MDGA1: variants seen among roughly 807,000 people sequenced by gnomAD.
The protein encoded by MDGA1 is MAM domain-containing glycosylphosphatidylinositol anchor protein 1.
In MDGA1, 54 loss-of-function variants were observed where a neutral mutation model predicts 101.5. That is an observed-to-expected ratio of 0.53 (90% CI 0.43 to 0.67). The LOEUF (loss-of-function observed/expected upper bound fraction) is 0.67. Among genes scored for constraint, MDGA1 ranks in the 30% least tolerant of loss-of-function variants. The probability of loss-of-function intolerance (pLI) is 0.00; values close to 1 mark genes in which losing one functional copy is unlikely to be tolerated. For synonymous variants in MDGA1, 533 were observed against 558.3 expected, an observed-to-expected ratio of 0.95 and a Z score of 0.64; for missense variants, 1,083 against 1,323.8, an observed-to-expected ratio of 0.82 and a Z score of 2.82.
intron 1 of MDGA1, among the ~76,000 whole-genome samples, chr6:37,685,629 C>T (rs1016162001): frequency 3.3e-5 from 5 of 152,148 alleles, no homozygotes; most frequent in Non-Finnish European, 5.9e-5. Flanking sequence ...CTTCTGCCTT[C>T]GGGGCTGAAA....
At chr6:37,637,877 C>T in intron 16 of MDGA1, 4 of 530,912 alleles carry the variant, frequency 7.5e-6, no homozygotes, top group Non-Finnish European at 1.3e-5. Context: ...GTATTGGAAA[C>T]CTCTGGCCCT....
chr6:37,651,664 A>G (rs1289617869), intron 7 of MDGA1, among the ~76,000 whole-genome samples: 1 of 152,170 alleles, frequency 6.6e-6, no homozygotes. Flanking sequence ...CGTACAGGCT[A>G]AAGAGTAGTC....
intron 14 of MDGA1, among the ~76,000 whole-genome samples, chr6:37,641,486 A>T (rs1299013951): frequency 6.6e-6 from 1 of 152,134 alleles, no homozygotes; most frequent in Non-Finnish European, 1.5e-5. Context: ...CTATGGGCAA[A>T]TGGGCTGAGC....
At position 37,646,369 on chromosome 6, in the gene MDGA1, G is replaced by C; in HGVS notation, c.2053C>G (p.Gln685Glu). Residue 685 changes from glutamine (Q) to glutamate (E), a missense_variant, in exon 11 of 17, where the codon CAG becomes GAG. By Grantham distance (29) the Gln-to-Glu change is conservative. This residue lies in a region of MDGA1 where 657 missense variants were observed against 771.4 expected (regional missense o/e 0.85). Transcript: ENST00000434837. The stretch of plus-strand genomic sequence containing the variant: ...ATGGCCTTGACCACCGCATTGTGCT[G>C]GTTCAACTGTTAAGTACAGAGAGTT... ...NYRLSIRQLNQHNAVVKAIPV... is the reference protein window; with the variant it reads ...NYRLSIRQLNEHNAVVKAIPV... The C allele has an allele frequency of 6.6e-7, 1 of 1,514,972 alleles. No individual in the cohort carries two copies. Among genetic ancestry groups the C allele is most frequent in the Non-Finnish European group, 8.9e-7 (1 of 1,126,930 alleles). The allele number at this position is 1,514,972 out of a possible 1,614,324, so 93.8% of individuals were successfully genotyped here.
In MDGA1 at chr6:37,668,769, C is replaced by G. The variant is rs115878134; in HGVS notation, c.68-4663G>C. Among the ~76,000 whole-genome samples, 1,322 of 152,324 alleles carry G rather than the reference C, an allele frequency of 8.7e-3. 16 individuals carry two copies. The highest frequency in any genetic ancestry group is 0.03 in the African/African-American group (1,231 of 41,560). On this transcript the variant is annotated intron_variant, in intron 1 of 16. Transcript: ENST00000434837. The stretch of plus-strand genomic sequence containing the variant: ...ATCTTAGGGTAACAGAGGCCTAACA[C>G]CGATTGCCCTTGGGTGGGGTGGGAG...
chr6:37,689,111 C>T (rs1425691966), intron 1 of MDGA1, among the ~76,000 whole-genome samples: 1 of 152,070 alleles, frequency 6.6e-6, no homozygotes, highest in Non-Finnish European at 1.5e-5. Flanking sequence ...GGCCCTTTCT[C>T]ATTCCTCCTC....
rs780110275 is a variant in MDGA1 at position 37,652,345 on chromosome 6, G to A, written c.983-5C>T. 20 of 1,598,662 alleles carry A rather than the reference G, an allele frequency of 1.3e-5. No individual in the cohort carries two copies. Among genetic ancestry groups the A allele is most frequent in the Non-Finnish European group, 1.5e-5 (18 of 1,169,962 alleles). On this transcript the variant is annotated splice_region_variant and splice_polypyrimidine_tract_variant and intron_variant, in intron 6 of 16. Coordinates refer to ENST00000434837, the MANE Select transcript of MDGA1 (RefSeq NM_153487.4). The surrounding 1 kb of genome is among the most constrained non-coding windows in gnomAD (Gnocchi z 4.3). ...GGAATGTAGCGTTCTTCATGGCTGT[G>A]AGTGGATGGGGAGGGAAGGGTAGTT...
intron 1 of MDGA1, among the ~76,000 whole-genome samples, chr6:37,666,906 C>T (rs1467747622): frequency 6.6e-6 from 1 of 152,212 alleles, no homozygotes; most frequent in Non-Finnish European, 1.5e-5. Context: ...AATTATATTA[C>T]ACAGGGTAAA....
chr6:37,689,063 CTG>C (rs2114107073), intron 1 of MDGA1, among the ~76,000 whole-genome samples: 1 of 152,292 alleles, frequency 6.6e-6, no homozygotes, highest in South Asian at 2.1e-4. Flanking sequence ...GAGCCCCACT[CTG>C]TGCTGCAGCT....
intron 1 of MDGA1, among the ~76,000 whole-genome samples, chr6:37,674,147 G>A (rs757483180): frequency 6.6e-5 from 10 of 152,206 alleles, no homozygotes; most frequent in Middle Eastern, 3.4e-3. Flanking sequence ...CCTGTTCCCC[G>A]ACACAGGGCC....
Position 37,647,241 on chromosome 6 carries a change from G to A in MDGA1, c.1978C>T (p.Leu660=). The A allele has an allele frequency of 1.0e-5, 16 of 1,584,042 alleles. No individual in the cohort carries two copies. Among genetic ancestry groups the A allele is most frequent in the Middle Eastern group, 1.7e-4 (1 of 6,022 alleles). ...HKLSKNYSYV[L]QWTQREPDAV... ...TCGGGCTCCCTCTGAGTCCACTGCA[G>A]CACGTAGGAGTAGTTCTTGGACAGC... is the stretch of plus-strand genomic sequence containing the variant. The change falls in exon 10 of 17, where the codon CTG becomes TTG. Residue 660 remains leucine (L), a synonymous_variant. Coordinates refer to ENST00000434837, the MANE Select transcript of MDGA1 (RefSeq NM_153487.4).
At chr6:37,663,547 C>A (rs1761673673) in intron 2 of MDGA1, among the ~76,000 whole-genome samples, 1 of 152,196 alleles carries the variant, frequency 6.6e-6, no homozygotes. Context: ...TCGCAAATTC[C>A]TCAGCTGCAA....
At position 37,655,257 on chromosome 6, in the gene MDGA1, A is replaced by G. The variant is rs1761457776; in HGVS notation, c.580-325T>C. 2.6e-6 allele frequency: 1 copy of G among 384,230 alleles called. No individual in the cohort carries two copies. The highest frequency in any genetic ancestry group is 4.3e-5 in the Admixed American group (1 of 23,388). 23.8% of individuals were successfully genotyped at this position (384,230 alleles called of 1,614,324 possible). A position where few individuals can be genotyped will look rare whatever the true frequency, so the allele number is the denominator to read the frequency against. ...ACTTACTCGTACAACCCACACAAAC[A>G]TGGGGCTGGCCTGCAGCCACCGCTG... On this transcript the variant is annotated intron_variant, in intron 4 of 16. Coordinates refer to ENST00000434837, the MANE Select transcript of MDGA1 (RefSeq NM_153487.4). The surrounding 1 kb of genome is among the most constrained non-coding windows in gnomAD (Gnocchi z 5.1).
chr6:37,687,340 G>A (rs1050589245), intron 1 of MDGA1, among the ~76,000 whole-genome samples: 4 of 150,620 alleles, frequency 2.7e-5, no homozygotes, highest in Non-Finnish European at 4.4e-5. Context: ...AGGATCACTT[G>A]AGCCCAGAGT....
chr6:37,638,785 C>T lies in MDGA1; in HGVS notation c.2537-118G>A. ...TGCAGCCCTGTCCCTGTTGACAGGA[C>T]CTCCTCCCCATGCCCAGCTGGGTGC... is the stretch of plus-strand genomic sequence containing the variant. On this transcript the variant is annotated intron_variant, in intron 14 of 16. Coordinates refer to ENST00000434837, the MANE Select transcript of MDGA1 (RefSeq NM_153487.4). This position sits in a 1 kb window ranked among gnomAD's most constrained non-coding sequence, Gnocchi z 4.8. The T allele has an allele frequency of 7.3e-7, 1 of 1,375,686 alleles. No homozygotes were observed. Among genetic ancestry groups the T allele is most frequent in the Non-Finnish European group, 9.8e-7 (1 of 1,015,270 alleles). 85.2% of individuals were successfully genotyped at this position (1,375,686 alleles called of 1,614,324 possible). A position where few individuals can be genotyped will look rare whatever the true frequency, so the allele number is the denominator to read the frequency against.
rs556775010 is a variant in MDGA1, at chr6:37,665,756, T to G, written c.68-1650A>C. 1.7e-4 allele frequency among the ~76,000 whole-genome samples: 26 copies of G among 152,350 alleles called. 1 individual carries two copies. The South Asian group carries it at 5.4e-3, about 32-fold the overall frequency. ...ACTAAGTGCCTTTGTGTCTTCTGTG[T>G]CACCTTTTGACACATAGGCAAGATT... On this transcript the variant is annotated intron_variant, in intron 1 of 16. Coordinates refer to ENST00000434837, the MANE Select transcript of MDGA1 (RefSeq NM_153487.4).
chr6:37,661,189 C>T (rs1247065617), intron 2 of MDGA1, among the ~76,000 whole-genome samples: 2 of 152,182 alleles, frequency 1.3e-5, no homozygotes, highest in Non-Finnish European at 2.9e-5. Flanking sequence ...ATGGATGGAC[C>T]TGTAGCCTCA....
chr6:37,664,242 C>T, intron 1 of MDGA1, 136 bp from the exon 2 acceptor site: 1 of 1,119,970 alleles, frequency 8.9e-7, no homozygotes, highest in East Asian at 2.4e-5. Context: ...CCTGACCCCA[C>T]TGAGCCCAGG....
chr6:37,646,846 T>G (rs750262780), intron 10 of MDGA1, among the ~76,000 whole-genome samples: 12 of 152,100 alleles, frequency 7.9e-5, no homozygotes, highest in Non-Finnish European at 1.6e-4. Context: ...CCCTCTCCCA[T>G]ACCCTTCTTA....
Sources: allele counts gnomAD v4.1 joint callset (sites outside exome capture counted in the v4.1 genomes callset), GRCh38; gene constraint gnomAD v4.1.1; regional missense constraint gnomAD v4.1.1; non-coding constraint Gnocchi (gnomAD v3.1); transcripts MANE v1.5; gene names NCBI Gene and HGNC (gene_info 2026-07-23, HGNC 2026-07-21).